KLHL24: variants seen among roughly 807,000 people sequenced by gnomAD.
The protein encoded by KLHL24 is kelch like family member 24, also known as kelch-like protein 24.
KLHL24 carries 29 observed loss-of-function variants against 53.4 expected under a neutral mutation model. The observed-to-expected ratio is 0.54, with a 90% CI of 0.40 to 0.74. The LOEUF is 0.74. Among genes scored for constraint, KLHL24 ranks in the 30% least tolerant of loss-of-function variants. The pLI is 0.00. For synonymous variants in KLHL24, 222 were observed against 253.7 expected (o/e 0.88, Z 1.19); for missense variants, 504 against 744.0 (o/e 0.68, Z 3.75).
In KLHL24 at chr3:183,682,049, TA is replaced by T. The variant is rs1272200848; in HGVS notation, c.*2764del. On this transcript the variant is annotated 3_prime_UTR_variant, in exon 8 of 8. Coordinates refer to ENST00000242810, the MANE Select transcript of KLHL24 (RefSeq NM_017644.3). ...TAAATTCAATTCTGGAATTTTTTTT[TA>T]TTTGGGCATTTCTAGAACTTTTTAC... 13 of 152,268 alleles carry T rather than the reference TA, an allele frequency of 8.5e-5. No individual in the cohort carries two copies. The highest frequency in any genetic ancestry group is 1.8e-4 in the Non-Finnish European group (12 of 67,980). 9.4% of individuals were successfully genotyped at this position (152,268 alleles called of 1,614,324 possible).
chr3:183,637,001 G>A (rs1005166814), intron 1 of KLHL24, among the ~76,000 whole-genome samples: 53 of 152,298 alleles, frequency 3.5e-4, no homozygotes, highest in African/African-American at 1.2e-3. Flanking sequence ...TATCTGCCGG[G>A]TGGTTCGCAG....
At chr3:183,673,236 A>G (rs2033924) in intron 7 of KLHL24, among the ~76,000 whole-genome samples, 43,003 of 151,908 alleles carry the variant, frequency 0.28, 6,258 homozygotes, top group Middle Eastern at 0.35. Flanking sequence ...AAAATAAAAT[A>G]TTTCATGTTT....
intron 7 of KLHL24, among the ~76,000 whole-genome samples, chr3:183,673,499 G>A (rs1213835490): frequency 6.6e-6 from 1 of 152,002 alleles, no homozygotes; most frequent in Non-Finnish European, 1.5e-5. Context: ...TTTGGTTAGA[G>A]GCTGGGAAAT....
At chr3:183,672,262 G>T (rs1392973051) in intron 6 of KLHL24, 34 bp from the exon 7 acceptor site, 1 of 1,185,460 alleles carries the variant, frequency 8.4e-7, no homozygotes. Flanking sequence ...TTTTTGTTTA[G>T]AAATTTTAAT....
At chr3:183,648,017 A>T (rs1717565158) in intron 2 of KLHL24, among the ~76,000 whole-genome samples, 1 of 152,128 alleles carries the variant, frequency 6.6e-6, no homozygotes, top group Non-Finnish European at 1.5e-5. Context: ...CAAAAAAGCA[A>T]AAACAAAAAC....
rs749508116 is a variant in KLHL24, at chr3:183,672,317, A to G, written c.1435A>G (p.Thr479Ala). The G allele has an allele frequency of 6.3e-7, 1 of 1,595,786 alleles. No homozygotes were observed. The highest frequency in any genetic ancestry group is 8.5e-7 in the Non-Finnish European group (1 of 1,170,402). The change falls in exon 7 of 8, where the codon ACC becomes GCC. Residue 479 changes from threonine to alanine, a missense_variant. Physicochemically the swap from Thr to Ala is moderately conservative, Grantham distance 58. Transcript: ENST00000242810. ...SDKVQSYDPE[T>A]NSWLLRAAIP... ...TTAGGTTCAATCTTATGATCCAGAA[A>G]CCAATTCTTGGCTACTTCGTGCAGC...
chr3:183,638,691 C>T (rs888414065), intron 1 of KLHL24, among the ~76,000 whole-genome samples: 2 of 152,266 alleles, frequency 1.3e-5, no homozygotes, highest in Non-Finnish European at 2.9e-5. Flanking sequence ...ATCCCAGCTA[C>T]TCCAGAGGCT....
At chr3:183,656,037 CTTT>C (rs760140064) in intron 3 of KLHL24, among the ~76,000 whole-genome samples, 2 of 90,906 alleles carry the variant, frequency 2.2e-5, no homozygotes, top group Non-Finnish European at 4.1e-5. Flanking sequence ...CCCTTAGCAT[CTTT>C]TTTTTTTTTT....
chr3:183,680,152 G>A lies in KLHL24; in HGVS notation c.*866G>A, dbSNP rs1017321700. ...GTGAAAAACAGGGACAGACAGCCAG[G>A]TACAGAGACTCACACCTGTACTCCC... On this transcript the variant is annotated 3_prime_UTR_variant, in exon 8 of 8. Transcript: ENST00000242810. 6.6e-6 allele frequency: 1 copy of A among 152,224 alleles called. No homozygotes were observed. Among genetic ancestry groups the A allele is most frequent in the African/African-American group, 2.4e-5 (1 of 41,438 alleles). 9.4% of individuals were successfully genotyped at this position (152,224 alleles called of 1,614,324 possible).
At position 183,680,334 on chromosome 3, in the gene KLHL24, AGC is replaced by A. The variant is rs1263855399; in HGVS notation, c.*1049_*1050del. On this transcript the variant is annotated 3_prime_UTR_variant, in exon 8 of 8. Transcript: ENST00000242810. Reference sequence around the variant, plus strand: ...AAAATAGGGATAGGTTTTCCTTCCTAGCCCAGTAGAGTTTGACCTCATTAGTA... The same window carrying A: ...AAAATAGGGATAGGTTTTCCTTCCTACCAGTAGAGTTTGACCTCATTAGTA... 1 of 152,224 alleles carries A rather than the reference AGC, an allele frequency of 6.6e-6. No homozygotes were observed. The highest frequency in any genetic ancestry group is 6.5e-5 in the Admixed American group (1 of 15,278). The allele number at this position is 152,224 out of a possible 1,614,324, so 9.4% of individuals were successfully genotyped here. A position where few individuals can be genotyped will look rare whatever the true frequency, so the allele number is the denominator to read the frequency against.
intron 2 of KLHL24, among the ~76,000 whole-genome samples, chr3:183,647,106 C>T (rs1717383009): frequency 6.8e-6 from 1 of 147,122 alleles, no homozygotes; most frequent in Non-Finnish European, 1.5e-5. Flanking sequence ...CCACCGCGCC[C>T]GGCCTTGTTG....
In KLHL24 at chr3:183,672,416, A is replaced by G. The variant is rs756523666; in HGVS notation, c.1534A>G (p.Lys512Glu). The G allele has an allele frequency of 6.2e-7, 1 of 1,613,868 alleles. No individual in the cohort carries two copies. The highest frequency in any genetic ancestry group is 1.3e-5 in the African/African-American group (1 of 75,046). Residue 512 changes from lysine (K) to glutamate (E), a missense_variant, in exon 7 of 8, where the codon AAG becomes GAG. Lys to Glu is a moderately conservative substitution (Grantham distance 56). Coordinates refer to ENST00000242810, the MANE Select transcript of KLHL24 (RefSeq NM_017644.3). Reference protein sequence around the residue: ...NLIYVAGGLTKAIYCYDPVED... With the variant: ...NLIYVAGGLTEAIYCYDPVED... ...GATCTATGTTGCCGGTGGACTGACCAAGGCAATATACTGTTACGATCCAGT... is the reference window on the plus strand; with the variant it reads ...GATCTATGTTGCCGGTGGACTGACCGAGGCAATATACTGTTACGATCCAGT...
intron 3 of KLHL24, among the ~76,000 whole-genome samples, chr3:183,662,329 T>C (rs1719921787): frequency 6.6e-6 from 1 of 152,158 alleles, no homozygotes; most frequent in African/African-American, 2.4e-5. Context: ...TTGCTTGTTT[T>C]TTCCTACTGT....
chr3:183,641,392 C>T (rs1704844204), intron 1 of KLHL24, among the ~76,000 whole-genome samples: 1 of 144,498 alleles, frequency 6.9e-6, no homozygotes, highest in Admixed American at 7.3e-5. Context: ...GCAGGAGAAT[C>T]GCTTGAACCC....
intron 6 of KLHL24, among the ~76,000 whole-genome samples, chr3:183,671,448 G>C (rs1343178006): frequency 6.6e-6 from 1 of 152,138 alleles, no homozygotes; most frequent in Non-Finnish European, 1.5e-5. Context: ...TTTGAAATGA[G>C]ACTATCTGTG....
rs1370976440 is a variant in KLHL24 at position 183,684,089 on chromosome 3, A to G, written c.*4803A>G. 6.6e-6 allele frequency: 1 copy of G among 152,414 alleles called. No homozygotes were observed. Among genetic ancestry groups the G allele is most frequent in the Non-Finnish European group, 1.5e-5 (1 of 68,002 alleles). The allele number at this position is 152,414 out of a possible 1,614,324, so 9.4% of individuals were successfully genotyped here. A position where few individuals can be genotyped will look rare whatever the true frequency, so the allele number is the denominator to read the frequency against. ...CATCGAATGTCAAAAAAGTATACTTATTTTTGTTCCATACTTATGTACAAT... is the reference window on the plus strand; with the variant it reads ...CATCGAATGTCAAAAAAGTATACTTGTTTTTGTTCCATACTTATGTACAAT... On this transcript the variant is annotated 3_prime_UTR_variant, in exon 8 of 8. Transcript: ENST00000242810.
At chr3:183,639,466 TA>T (rs1448271320) in intron 1 of KLHL24, among the ~76,000 whole-genome samples, 1 of 150,338 alleles carries the variant, frequency 6.7e-6, no homozygotes, top group Non-Finnish European at 1.5e-5. Flanking sequence ...CCGTCTCTAC[TA>T]AAAATACAAA....
rs372052999 is a variant in KLHL24, at chr3:183,679,263, A to G, written c.1780A>G (p.Asn594Asp). 5.0e-6 allele frequency: 8 copies of G among 1,613,810 alleles called. No homozygotes were observed. The African/African-American group carries it at 1.1e-4, about 22-fold the overall frequency. Reference protein sequence around the residue: ...YHGCVTIHRYNEKCFKL With the variant: ...YHGCVTIHRYDEKCFKL ...TGGCTGTGTGACTATTCATAGATAC[A>G]ATGAGAAATGCTTTAAACTCTGAAG... Residue 594 changes from asparagine (N) to aspartate (D), a missense_variant, in exon 8 of 8, where the codon AAT (asparagine) becomes GAT (aspartate). Coordinates refer to ENST00000242810, the MANE Select transcript of KLHL24 (RefSeq NM_017644.3).
At chr3:183,644,501 A>G (rs968971864) in intron 2 of KLHL24, among the ~76,000 whole-genome samples, 6 of 152,216 alleles carry the variant, frequency 3.9e-5, no homozygotes, top group African/African-American at 1.4e-4. Context: ...AGTCTCTCTT[A>G]CATACAGAGC....
Sources: allele counts gnomAD v4.1 joint callset (sites outside exome capture counted in the v4.1 genomes callset), GRCh38; gene constraint gnomAD v4.1.1; transcripts MANE v1.5; gene names NCBI Gene and HGNC (gene_info 2026-07-23, HGNC 2026-07-21).